The following NYAP2 variants were observed in gnomAD, a reference collection of about 807,000 sequenced individuals.
The protein encoded by NYAP2 is neuronal tyrosine-phosphorylated phosphoinositide-3-kinase adaptor 2.
A neutral mutation model predicts 50.4 loss-of-function variants in NYAP2; 23 were observed. The ratio of observed to expected loss-of-function variants is 0.46; its 90% CI spans 0.33 to 0.65. The LOEUF is 0.65. NYAP2 is among the 30% of genes least tolerant of loss of function. The probability of loss-of-function intolerance (pLI) is 0.02; values close to 1 mark genes in which losing one functional copy is unlikely to be tolerated. For synonymous variants in NYAP2, 394 were observed against 365.2 expected (o/e 1.08, Z -0.90); for missense variants, 885 against 861.0 (o/e 1.03, Z -0.35).
At chr2:225,500,660 A>G (rs575912358) in intron 3 of NYAP2, among the ~76,000 whole-genome samples, 1 of 152,338 alleles carries the variant, frequency 6.6e-6, no homozygotes, top group South Asian at 2.1e-4. Flanking sequence ...CACATATTAC[A>G]AATGTTTGGG....
At chr2:225,490,123 T>G (rs1690379147) in intron 3 of NYAP2, among the ~76,000 whole-genome samples, 1 of 152,222 alleles carries the variant, frequency 6.6e-6, no homozygotes, top group South Asian at 2.1e-4. Flanking sequence ...GACTTGACTA[T>G]GAATCTCCTT....
chr2:225,439,643 G>T (rs1689438404), intron 3 of NYAP2, among the ~76,000 whole-genome samples: 1 of 152,160 alleles, frequency 6.6e-6, no homozygotes, highest in Non-Finnish European at 1.5e-5. Flanking sequence ...ATGGAGTGGA[G>T]GGGGACAACA....
chr2:225,564,794 G>T (rs1207852470), intron 4 of NYAP2, among the ~76,000 whole-genome samples: 1 of 151,778 alleles, frequency 6.6e-6, no homozygotes, highest in Non-Finnish European at 1.5e-5. Context: ...TCCTAAATTT[G>T]AGAAGTATAG....
intron 3 of NYAP2, among the ~76,000 whole-genome samples, chr2:225,452,599 C>T (rs1242014867): frequency 3.3e-5 from 5 of 152,138 alleles, no homozygotes; most frequent in Admixed American, 3.3e-4. Flanking sequence ...TTCCTTTCCT[C>T]AAATCTATAA....
chr2:225,498,717 T>G (rs1690550109), intron 3 of NYAP2, among the ~76,000 whole-genome samples: 1 of 152,100 alleles, frequency 6.6e-6, no homozygotes. Flanking sequence ...AGATGTGAAA[T>G]CTAGGTAGAA....
At chr2:225,444,497 TACAC>T (rs1689521203) in intron 3 of NYAP2, among the ~76,000 whole-genome samples, 1 of 152,158 alleles carries the variant, frequency 6.6e-6, no homozygotes, top group African/African-American at 2.4e-5. Context: ...TGGGTTTATA[TACAC>T]ACACATTCAC....
chr2:225,585,824 A>G (rs1315426250), intron 5 of NYAP2, among the ~76,000 whole-genome samples: 1 of 152,230 alleles, frequency 6.6e-6, no homozygotes, highest in Non-Finnish European at 1.5e-5. Flanking sequence ...TGCAAAACAT[A>G]GAACCAAAAT....
At chr2:225,459,920 C>T (rs1348886940) in intron 3 of NYAP2, among the ~76,000 whole-genome samples, 1 of 152,164 alleles carries the variant, frequency 6.6e-6, no homozygotes, top group African/African-American at 2.4e-5. Context: ...GATCTGCCCA[C>T]CTCGGCCTCC....
the NYAP2 span, among the ~76,000 whole-genome samples, chr2:225,696,371 C>T: frequency 6.6e-6 from 1 of 151,864 alleles, no homozygotes; most frequent in African/African-American, 2.4e-5. Flanking sequence ...AGGTATTCAT[C>T]AGTGTTAGAA....
At chr2:225,491,333 G>A (rs1450297064) in intron 3 of NYAP2, among the ~76,000 whole-genome samples, 1 of 152,152 alleles carries the variant, frequency 6.6e-6, no homozygotes, top group Non-Finnish European at 1.5e-5. Flanking sequence ...GTGTCCCATT[G>A]CTTGTCAAAC....
At chr2:225,693,076 G>A in the NYAP2 span, among the ~76,000 whole-genome samples, 6 of 152,020 alleles carry the variant, frequency 3.9e-5, no homozygotes, top group Non-Finnish European at 8.8e-5. Flanking sequence ...AATCAATATT[G>A]ATACATCATT....
intron 5 of NYAP2, among the ~76,000 whole-genome samples, chr2:225,602,936 C>T (rs1033729237): frequency 6.6e-6 from 1 of 151,784 alleles, no homozygotes; most frequent in Admixed American, 6.6e-5. Context: ...ATTTGAGGTC[C>T]TATGAGATTC....
chr2:225,549,952 T>C (rs1691643370), intron 4 of NYAP2, among the ~76,000 whole-genome samples: 1 of 151,134 alleles, frequency 6.6e-6, no homozygotes, highest in African/African-American at 2.4e-5. Flanking sequence ...ACCACTGCAC[T>C]CCAGCCTGGG....
chr2:225,598,128 A>G (rs562453830), intron 5 of NYAP2, among the ~76,000 whole-genome samples: 19 of 152,132 alleles, frequency 1.2e-4, no homozygotes, highest in Non-Finnish European at 2.4e-4. Context: ...GAGGGCCTTC[A>G]CATACGATGC....
intron 3 of NYAP2, among the ~76,000 whole-genome samples, chr2:225,433,327 G>T (rs962055469): frequency 6.7e-6 from 1 of 149,862 alleles, no homozygotes; most frequent in East Asian, 2.0e-4. Context: ...CTGCACTCCA[G>T]CCTGTGCAAA....
intron 4 of NYAP2, among the ~76,000 whole-genome samples, chr2:225,580,800 A>G (rs761207252): frequency 3.3e-5 from 5 of 151,504 alleles, no homozygotes; most frequent in Non-Finnish European, 7.4e-5. Context: ...GTGTTTCCCG[A>G]TTTGTGCCTT....
chr2:225,476,473 A>T (rs1303699121), intron 3 of NYAP2, among the ~76,000 whole-genome samples: 1 of 152,188 alleles, frequency 6.6e-6, no homozygotes, highest in Non-Finnish European at 1.5e-5. Flanking sequence ...TTGTAGGAAC[A>T]TTCTATTTCT....
At chr2:225,445,161 T>A (rs556508548) in intron 3 of NYAP2, among the ~76,000 whole-genome samples, 7 of 152,138 alleles carry the variant, frequency 4.6e-5, no homozygotes, top group Non-Finnish European at 1.0e-4. Context: ...ATGTTTCAAC[T>A]GCTCTAACTA....
intron 3 of NYAP2, among the ~76,000 whole-genome samples, chr2:225,430,714 TA>T (rs1264366603): frequency 6.8e-5 from 3 of 44,442 alleles, no homozygotes; most frequent in African/African-American, 3.4e-4. Context: ...ACTAGAATGC[TA>T]TTTTTTTTTT....
Sources: gnomAD v4.1 joint callset for allele counts (sites outside exome capture counted in the v4.1 genomes callset) on GRCh38, gnomAD v4.1.1 for gene constraint, MANE v1.5 for transcripts, NCBI Gene and HGNC (gene_info 2026-07-23, HGNC 2026-07-21) for gene names.